Variants in RPAP1 observed in about 807,000 individuals in gnomAD.
RPAP1 encodes RNA polymerase II associated protein 1, also known as RNA polymerase II-associated protein 1.
In RPAP1, 109 loss-of-function variants were observed where a neutral mutation model predicts 142.4. The observed-to-expected ratio is 0.77, with a 90% confidence interval of 0.66 to 0.90. The LOEUF (loss-of-function observed/expected upper bound fraction) is 0.90, where lower values mean the gene tolerates loss of function less well. Ranked by LOEUF, RPAP1 falls within the 40% of genes least tolerant of loss-of-function variation. RPAP1 has a pLI of 0.00. For synonymous variants in RPAP1, 704 were observed against 738.9 expected (o/e 0.95, Z 0.77); for missense variants, 1,546 against 1,751.7 (o/e 0.88, Z 2.10).
Position 41,518,128 on chromosome 15 carries a change from G to A in RPAP1, c.3850C>T (p.Leu1284Phe), listed in dbSNP as rs1254127177. 7.5e-6 allele frequency: 12 copies of A among 1,600,360 alleles called. No individual in the cohort carries two copies. Among genetic ancestry groups the A allele is most frequent in the Non-Finnish European group, 1.0e-5 (12 of 1,176,164 alleles). ...ACCAGGGTCCGGAAGTAGAGCTGAA[G>A]GAGGGCCAGGTTGTCTTCAGGAGGC... Reference protein sequence around the residue: ...TVPPEDNLALLQLYFRTLVTG... With the variant: ...TVPPEDNLALFQLYFRTLVTG... The change falls in exon 23 of 25, where the codon CTT becomes TTT. Residue 1284 changes from leucine (L) to phenylalanine (F), a missense_variant. Coordinates refer to ENST00000304330, the MANE Select transcript of RPAP1 (RefSeq NM_015540.4).
intron 3 of RPAP1, 128 bp downstream of exon 3, chr15:41,536,373 A>G (rs2297383): frequency 2.9e-6 from 4 of 1,381,434 alleles, no homozygotes; most frequent in African/African-American, 1.4e-5. Flanking sequence ...CCAGCCCCCA[A>G]CCTGACCTCA....
At chr15:41,539,293 T>G (rs957068837) in intron 1 of RPAP1, among the ~76,000 whole-genome samples, 25 of 151,560 alleles carry the variant, frequency 1.6e-4, no homozygotes, top group Non-Finnish European at 2.9e-4. Context: ...TTTTTTTTGT[T>G]TTTTGTTTTT....
At position 41,518,171 on chromosome 15, in the gene RPAP1, G is replaced by A. The variant is rs1347420035; in HGVS notation, c.3807C>T (p.Ser1269=). The A allele has an allele frequency of 6.4e-7, 1 of 1,567,476 alleles. No homozygotes were observed. Among genetic ancestry groups the A allele is most frequent in the Non-Finnish European group, 8.6e-7 (1 of 1,161,744 alleles). The change falls in exon 23 of 25, where the codon TCC becomes TCT. Residue 1269 remains serine, a synonymous_variant. Transcript: ENST00000304330. ...LSLPLTQLPV[S]LECYTVPPED... ...CAGGAGGCACTGTGTAACACTCCAG[G>A]GACACAGGCAACTGTGACAGGGGAA...
chr15:41,521,053 G>T lies in RPAP1; in HGVS notation c.3133C>A (p.Leu1045Met). Reference protein sequence around the residue: ...RVPRCGQGTLLAQACQDLPSI... With the variant: ...RVPRCGQGTLMAQACQDLPSI... ...GGGAGGTCCTGGCAGGCCTGAGCCA[G>T]CAGAGTCCCTTGCCCACACCGAGGG... Residue 1045 changes from leucine to methionine, a missense_variant, in exon 22 of 25, where the codon CTG becomes ATG. This residue lies in a region of RPAP1 where 1,333 missense variants were observed against 1,486.6 expected (regional missense o/e 0.90). Transcript: ENST00000304330. The T allele has an allele frequency of 6.3e-7, 1 of 1,582,580 alleles. No individual in the cohort carries two copies. Among genetic ancestry groups the T allele is most frequent in the Non-Finnish European group, 8.6e-7 (1 of 1,164,972 alleles).
At chr15:41,523,045 T>A in intron 18 of RPAP1, 85 bp from the exon 19 acceptor site, 1 of 1,193,462 alleles carries the variant, frequency 8.4e-7, no homozygotes, top group South Asian at 1.7e-5. Flanking sequence ...TACCTAAGAC[T>A]AACGGGGGGC....
Position 41,517,470 on chromosome 15 carries a change from CGTCT to C in RPAP1, c.*68_*71del, listed in dbSNP as rs1446922136. ...CCTACCATTAGGACACAATGTTCTTCGTCTGGCCAGACATCTGTTGAAAGGCTGG... is the reference window on the plus strand; with the variant it reads ...CCTACCATTAGGACACAATGTTCTTCGGCCAGACATCTGTTGAAAGGCTGG... On this transcript the variant is annotated 3_prime_UTR_variant, in exon 25 of 25. Transcript: ENST00000304330. 6 of 1,365,204 alleles carry C rather than the reference CGTCT, an allele frequency of 4.4e-6. No homozygotes were observed. Among genetic ancestry groups the C allele is most frequent in the Middle Eastern group, 1.9e-4 (1 of 5,338 alleles). The allele number at this position is 1,365,204 out of a possible 1,614,324, so 84.6% of individuals were successfully genotyped here.
At position 41,531,600 on chromosome 15, in the gene RPAP1, CATATATATAT is replaced by C. The variant is rs779055706; in HGVS notation, c.764-408_764-399del. 6.0e-3 allele frequency among the ~76,000 whole-genome samples: 403 copies of C among 67,610 alleles called. 8 individuals carry two copies. The highest frequency in any genetic ancestry group is 0.016 in the African/African-American group (319 of 19,384). 44.4% of individuals were successfully genotyped at this position (67,610 alleles called of 152,430 possible). On this transcript the variant is annotated intron_variant, in intron 6 of 24. Transcript: ENST00000304330. ...TAGCTAATTTATTTATGCACACACA[CATATATATAT>C]ATATATATATATATATATTTTTTTT...
At position 41,534,054 on chromosome 15, in the gene RPAP1, G is replaced by A. The variant is rs145256223; in HGVS notation, c.763+660C>T. Among the ~76,000 whole-genome samples, 9 of 150,064 alleles carry A rather than the reference G, an allele frequency of 6.0e-5. No homozygotes were observed. The East Asian group carries it at 1.2e-3, about 20-fold the overall frequency. On this transcript the variant is annotated intron_variant, in intron 6 of 24. Coordinates refer to ENST00000304330, the MANE Select transcript of RPAP1 (RefSeq NM_015540.4). ...GGAGAATCATTTGAACCCAGGAGGC[G>A]GAGGTTGCAGTGAGCCTACGTCGCG...
At position 41,536,139 on chromosome 15, in the gene RPAP1, C is replaced by A. The variant is rs757043628; in HGVS notation, c.410G>T (p.Arg137Leu). ...VAFPAVFLRS[R>L]DTQGKSATSG... is the part of the protein sequence containing the mutation. ...CTTACCCTTGCCTACCTGTGTGTCC[C>A]GCGAGCGAAGGAACACAGCAGGGAA... The change falls in exon 4 of 25, where the codon CGG becomes CTG. Residue 137 changes from arginine to leucine, a missense_variant. Arg to Leu is a moderately radical substitution (Grantham distance 102, BLOSUM62 -2). Transcript: ENST00000304330. 6.2e-7 allele frequency: 1 copy of A among 1,613,990 alleles called. No individual in the cohort carries two copies. Among genetic ancestry groups the A allele is most frequent in the Non-Finnish European group, 8.5e-7 (1 of 1,179,912 alleles).
rs1218674367 is a variant in RPAP1, at chr15:41,527,591, G to T, written c.1443C>A (p.Ser481Arg). ...VAPGDEELLDSTFSWYHGALT... is the reference protein window; with the variant it reads ...VAPGDEELLDRTFSWYHGALT... ...AAGCTCCATGGTACCAAGAGAAGGT[G>T]CTGTCGAGGAGCTCCTGCCAGAGGA... Residue 481 changes from serine to arginine, a missense_variant, in exon 12 of 25, where the codon AGC (serine) becomes AGA (arginine). Ser to Arg is a moderately radical substitution (Grantham distance 110). This residue lies in a region of RPAP1 where 1,333 missense variants were observed against 1,486.6 expected (regional missense o/e 0.90). Coordinates refer to ENST00000304330, the MANE Select transcript of RPAP1 (RefSeq NM_015540.4). The T allele has an allele frequency of 4.3e-6, 7 of 1,613,282 alleles. No homozygotes were observed. The highest frequency in any genetic ancestry group is 5.9e-6 in the Non-Finnish European group (7 of 1,179,686).
chr15:41,536,709 G>A (rs1343232971), intron 2 of RPAP1, 60 bp from the exon 3 acceptor site: 2 of 1,572,302 alleles, frequency 1.3e-6, no homozygotes, highest in African/African-American at 2.7e-5. Flanking sequence ...AGACACTGCA[G>A]GCTAGGGAAG....
intron 6 of RPAP1, among the ~76,000 whole-genome samples, chr15:41,533,661 T>G (rs900435751): frequency 6.6e-6 from 1 of 151,470 alleles, no homozygotes; most frequent in Non-Finnish European, 1.5e-5. Flanking sequence ...AAACCCCGTC[T>G]CTACTAAAAA....
rs137945941 is a variant in RPAP1 at position 41,541,793 on chromosome 15, G to C, written c.-77+2426C>G. On this transcript the variant is annotated intron_variant, in intron 1 of 24. Transcript: ENST00000304330. ...ACCCGGGAAGTGGAGGTTGCAATGA[G>C]CCAAGATCGTGCCACTGCACTCCAG... Among the ~76,000 whole-genome samples, 1,252 of 152,300 alleles carry C rather than the reference G, an allele frequency of 8.2e-3. 13 individuals are homozygous for C. The highest frequency in any genetic ancestry group is 0.028 in the African/African-American group (1,184 of 41,562).
intron 21 of RPAP1, among the ~76,000 whole-genome samples, 200 bp downstream of exon 21, chr15:41,521,538 C>T (rs1595480591): frequency 1.3e-5 from 2 of 152,214 alleles, no homozygotes; most frequent in East Asian, 3.8e-4. Context: ...TGCAGTCACA[C>T]TGAAGTCTCA....
At chr15:41,523,710 G>T in intron 17 of RPAP1, 61 bp downstream of exon 17, 2 of 1,404,900 alleles carry the variant, frequency 1.4e-6, no homozygotes, top group Non-Finnish European at 2.0e-6. Flanking sequence ...GGAGCAACGG[G>T]TGGAATGTAG....
Position 41,521,744 on chromosome 15 carries a change from A to T in RPAP1, c.3032T>A (p.Phe1011Tyr). The T allele has an allele frequency of 6.2e-7, 1 of 1,614,032 alleles. No individual in the cohort carries two copies. The highest frequency in any genetic ancestry group is 8.5e-7 in the Non-Finnish European group (1 of 1,179,984). The change falls in exon 21 of 25, where the codon TTC becomes TAC. Residue 1011 changes from phenylalanine to tyrosine, a missense_variant. By Grantham distance (22) the Phe-to-Tyr change is conservative. Coordinates refer to ENST00000304330, the MANE Select transcript of RPAP1 (RefSeq NM_015540.4). ...LLLSCVFRLE[F>Y]LPERTSGGPE... is the part of the protein sequence containing the mutation. ...CCACCAACCAAGCACTTACGGGAGGAACTCCAGCCGGAATACACAGCTCAG... is the reference window on the plus strand; with the variant it reads ...CCACCAACCAAGCACTTACGGGAGGTACTCCAGCCGGAATACACAGCTCAG...
intron 5 of RPAP1, among the ~76,000 whole-genome samples, chr15:41,535,186 G>A (rs1470028487): frequency 1.3e-5 from 2 of 152,158 alleles, no homozygotes; most frequent in Non-Finnish European, 2.9e-5. Flanking sequence ...TATCTAGGCA[G>A]GCATCTATAG....
intron 17 of RPAP1, 123 bp from the exon 18 acceptor site, chr15:41,523,477 C>T: frequency 2.9e-6 from 2 of 689,058 alleles, no homozygotes; most frequent in Non-Finnish European, 5.0e-6. Flanking sequence ...CTTCTGCAGG[C>T]TGAGCCTTCT....
Position 41,534,419 on chromosome 15 carries a change from C to T in RPAP1, c.763+295G>A, listed in dbSNP as rs188066288. ...GGCAACAAGAGTGAAACTCTGTCCC[C>T]CCAAAAAAAAAAAAAAATTAGCTGA... On this transcript the variant is annotated intron_variant, in intron 6 of 24. Transcript: ENST00000304330. Among the ~76,000 whole-genome samples, 1,207 of 145,568 alleles carry T rather than the reference C, an allele frequency of 8.3e-3. 23 individuals are homozygous for T. Among genetic ancestry groups the T allele is most frequent in the African/African-American group, 0.029 (1,117 of 39,190 alleles).
Sources: gnomAD v4.1 joint callset for allele counts (sites outside exome capture counted in the v4.1 genomes callset) on GRCh38, gnomAD v4.1.1 for gene constraint, gnomAD v4.1.1 regional missense constraint, MANE v1.5 for transcripts, NCBI Gene and HGNC (gene_info 2026-07-23, HGNC 2026-07-21) for gene names.